ULK4: variants seen among roughly 807,000 people sequenced by gnomAD.
ULK4 encodes the protein inactive serine/threonine-protein kinase ULK4.
ULK4 carries 133 observed loss-of-function variants against 160.6 expected under a neutral mutation model. The ratio of observed to expected loss-of-function variants is 0.83; its 90% confidence interval spans 0.72 to 0.96. ULK4 has a LOEUF of 0.96. Among genes scored for constraint, ULK4 ranks in the 40% least tolerant of loss-of-function variants. ULK4 has a pLI of 0.00. For synonymous variants in ULK4, 534 were observed against 539.8 expected (o/e 0.99, Z 0.15); for missense variants, 1,580 against 1,499.5 (o/e 1.05, Z -0.89).
rs151221172 is a variant in ULK4 at position 41,845,302 on chromosome 3, C to T, written c.1657-9331G>A. ...TTCAATGGGTAAGTGGTTAAATAAA[C>T]TGTGATTCAACCACACCACAGAATA... On this transcript the variant is annotated intron_variant, in intron 17 of 36. Transcript: ENST00000301831. Among the ~76,000 whole-genome samples the T allele has an allele frequency of 6.3e-3, 960 of 152,272 alleles. 10 individuals carry two copies. Among genetic ancestry groups the T allele is most frequent in the Non-Finnish European group, 9.9e-3 (673 of 68,014 alleles).
At chr3:41,296,474 G>A (rs984685888) in intron 35 of ULK4, among the ~76,000 whole-genome samples, 2 of 152,238 alleles carry the variant, frequency 1.3e-5, no homozygotes, top group South Asian at 2.1e-4. Context: ...TTTCCTGGCC[G>A]ATGCTGGGGT....
intron 31 of ULK4, among the ~76,000 whole-genome samples, chr3:41,578,098 T>G (rs948808796): frequency 6.6e-6 from 1 of 152,196 alleles, no homozygotes; most frequent in Non-Finnish European, 1.5e-5. Flanking sequence ...TTGGATCTAA[T>G]AGAATTTTTC....
intron 32 of ULK4, among the ~76,000 whole-genome samples, chr3:41,559,130 G>A (rs956871223): frequency 6.7e-6 from 1 of 148,852 alleles, no homozygotes; most frequent in Non-Finnish European, 1.5e-5. Context: ...TGCAGTGTTT[G>A]GTTTTCTGTC....
intron 17 of ULK4, among the ~76,000 whole-genome samples, chr3:41,874,328 A>C (rs917342550): frequency 6.6e-6 from 1 of 152,224 alleles, no homozygotes; most frequent in Non-Finnish European, 1.5e-5. Flanking sequence ...GAGTTTCCAA[A>C]AGCACACAAT....
chr3:41,418,860 C>G (rs550987386), intron 34 of ULK4, among the ~76,000 whole-genome samples: 203 of 152,304 alleles, frequency 1.3e-3, no homozygotes, highest in African/African-American at 4.6e-3. Flanking sequence ...TCTAGAGGGG[C>G]TGGCAGACAG....
chr3:41,885,586 G>A (rs1403741156), intron 16 of ULK4, among the ~76,000 whole-genome samples: 4 of 152,126 alleles, frequency 2.6e-5, no homozygotes, highest in Admixed American at 2.0e-4. Flanking sequence ...TGACAGAAAT[G>A]TCCCACATCT....
At chr3:41,261,424 A>T (rs1225314107) in intron 35 of ULK4, among the ~76,000 whole-genome samples, 1 of 151,522 alleles carries the variant, frequency 6.6e-6, no homozygotes, top group East Asian at 2.0e-4. Context: ...CTGAGATTTA[A>T]CCCAGTCCCC....
intron 21 of ULK4, among the ~76,000 whole-genome samples, chr3:41,772,242 G>C (rs1377074936): frequency 6.6e-6 from 1 of 152,118 alleles, no homozygotes; most frequent in East Asian, 1.9e-4. Flanking sequence ...AGGAGATAGA[G>C]ACACAAAAAA....
chr3:41,926,367 T>C (rs760711674), intron 5 of ULK4, among the ~76,000 whole-genome samples: 66 of 151,942 alleles, frequency 4.3e-4, no homozygotes, highest in Non-Finnish European at 8.2e-4. Flanking sequence ...ACACCAAAGG[T>C]AGATAAATCC....
intron 33 of ULK4, among the ~76,000 whole-genome samples, chr3:41,458,824 C>T (rs1357803562): frequency 6.6e-6 from 1 of 152,124 alleles, no homozygotes; most frequent in South Asian, 2.1e-4. Context: ...GGCACGATCT[C>T]GGCTTAGTGC....
chr3:41,458,738 A>G (rs1052179589), intron 33 of ULK4, among the ~76,000 whole-genome samples: 3 of 152,190 alleles, frequency 2.0e-5, no homozygotes, highest in East Asian at 1.9e-4. Context: ...AGAGACAGTT[A>G]CTTTCTCAAG....
rs867312591 is a variant in ULK4, at chr3:41,844,793, A to T, written c.1657-8822T>A. The stretch of plus-strand genomic sequence containing the variant: ...CGGAAAACTTTGGAGGTTTTTCTAA[A>T]AAAAAAAAAAAAAAAAAACAGCAAC... On this transcript the variant is annotated intron_variant, in intron 17 of 36. Transcript: ENST00000301831. Among the ~76,000 whole-genome samples the T allele has an allele frequency of 7.8e-3, 750 of 95,838 alleles. 10 individuals are homozygous for T. Among genetic ancestry groups the T allele is most frequent in the African/African-American group, 0.031 (718 of 23,374 alleles). The allele number at this position is 95,838 out of a possible 152,430, so 62.9% of individuals were successfully genotyped here. A position where few individuals can be genotyped will look rare whatever the true frequency, so the allele number is the denominator to read the frequency against.
At position 41,715,542 on chromosome 3, in the gene ULK4, C is replaced by T; in HGVS notation, c.2482G>A (p.Val828Ile). Residue 828 changes from valine (V) to isoleucine (I), a missense_variant, in exon 24 of 37, where the codon GTT (valine) becomes ATT (isoleucine). Transcript: ENST00000301831. ...LGDILNSLAN[V>I]SGRKHPSTVQ... ...GTTGATGGGTGTTTACGTCCAGAAA[C>T]ATTAGCCAAGGAGTTAAGAATGTCA... 1 of 1,614,134 alleles carries T rather than the reference C, an allele frequency of 6.2e-7. No individual in the cohort carries two copies. The highest frequency in any genetic ancestry group is 1.1e-5 in the South Asian group (1 of 91,084).
At chr3:41,250,842 C>A (rs2078730937) in intron 35 of ULK4, 1 of 152,136 alleles carries the variant, frequency 6.6e-6, no homozygotes, top group African/African-American at 2.4e-5. Flanking sequence ...TGAAATTGCA[C>A]CCAACTTGAT....
rs1413013536 is a variant in ULK4 at position 41,246,759 on chromosome 3, T to C, written c.*170A>G. 1.5e-6 allele frequency: 1 copy of C among 677,930 alleles called. No individual in the cohort carries two copies. The highest frequency in any genetic ancestry group is 2.5e-6 in the Non-Finnish European group (1 of 407,732). The allele number at this position is 677,930 out of a possible 1,614,324, so 42.0% of individuals were successfully genotyped here. A position where few individuals can be genotyped will look rare whatever the true frequency, so the allele number is the denominator to read the frequency against. On this transcript the variant is annotated 3_prime_UTR_variant, in exon 37 of 37. Coordinates refer to ENST00000301831, the MANE Select transcript of ULK4 (RefSeq NM_017886.4). ...GGAAGTCCATTCTGAGTCAGTTTTC[T>C]AGGCCCTGGGGTTAGTGAGCACTTG...
chr3:41,859,505 C>A, intron 17 of ULK4: 1 of 547,708 alleles, frequency 1.8e-6, no homozygotes. Flanking sequence ...CAGTAAGGAC[C>A]CTTAGGGATA....
chr3:41,443,945 T>C (rs1250339556), intron 34 of ULK4, among the ~76,000 whole-genome samples: 1 of 152,032 alleles, frequency 6.6e-6, no homozygotes, highest in East Asian at 1.9e-4. Context: ...TTTAATTAAT[T>C]TCCAATTGAG....
At chr3:41,769,498 G>A (rs532230126) in intron 21 of ULK4, among the ~76,000 whole-genome samples, 15 of 152,196 alleles carry the variant, frequency 9.9e-5, no homozygotes, top group East Asian at 7.7e-4. Flanking sequence ...CATACAGCTC[G>A]ACATACCCAA....
chr3:41,489,587 G>A (rs1188942236), intron 32 of ULK4, among the ~76,000 whole-genome samples: 1 of 152,050 alleles, frequency 6.6e-6, no homozygotes, highest in Non-Finnish European at 1.5e-5. Context: ...CCCCACCTCA[G>A]TAGGATTAGA....
Sources: gnomAD v4.1 joint callset for allele counts (sites outside exome capture counted in the v4.1 genomes callset) on GRCh38, gnomAD v4.1.1 for gene constraint, MANE v1.5 for transcripts, NCBI Gene and HGNC (gene_info 2026-07-23, HGNC 2026-07-21) for gene names.